IMPG2: variants seen among roughly 807,000 people sequenced by gnomAD.
IMPG2 encodes the protein IPM 200.
Under a neutral mutation model 129.2 loss-of-function variants are expected in IMPG2, and 91 were observed. The ratio of observed to expected loss-of-function variants is 0.70; its 90% confidence interval spans 0.59 to 0.84. IMPG2 has a LOEUF of 0.84. Ranked by LOEUF, IMPG2 falls within the 40% of genes least tolerant of loss-of-function variation. The pLI, the probability that IMPG2 is intolerant of heterozygous loss-of-function variation, is 0.00. For synonymous variants in IMPG2, 510 were observed against 517.7 expected (o/e 0.99, Z 0.20); for missense variants, 1,430 against 1,461.7 (o/e 0.98, Z 0.35).
intron 7 of IMPG2, among the ~76,000 whole-genome samples, chr3:101,271,843 A>C (rs1706786083): frequency 6.6e-6 from 1 of 152,196 alleles, no homozygotes; most frequent in Non-Finnish European, 1.5e-5. Context: ...AGAGAGACTG[A>C]ATGACAATGA....
intron 10 of IMPG2, among the ~76,000 whole-genome samples, chr3:101,257,007 A>G (rs1356082443): frequency 1.3e-5 from 2 of 152,076 alleles, no homozygotes; most frequent in Admixed American, 6.6e-5. Flanking sequence ...CCTGTTCATT[A>G]TGGATCATAA....
intron 10 of IMPG2, among the ~76,000 whole-genome samples, chr3:101,254,505 C>A (rs752800525): frequency 5.3e-5 from 8 of 151,928 alleles, no homozygotes; most frequent in Admixed American, 1.3e-4. Context: ...GAGAGGGAAT[C>A]AATAAAAGCT....
At position 101,257,685 on chromosome 3, in the gene IMPG2, C is replaced by A. The variant is rs769044247; in HGVS notation, c.997G>T (p.Val333Leu). The A allele has an allele frequency of 6.2e-7, 1 of 1,613,464 alleles. No homozygotes were observed. Residue 333 changes from valine (V) to leucine (L), a missense_variant, in exon 10 of 19, where the codon GTG (valine) becomes TTG (leucine). By Grantham distance (32) the Val-to-Leu change is conservative. Transcript: ENST00000193391. ...AGTTCCACAAGGCCATGGTTTTCCA[C>A]CTTGTTGGAGTGAAGGCTAATGAGG... ...WDLISLHSNK[V>L]ENHGLVELDD...
intron 8 of IMPG2, among the ~76,000 whole-genome samples, chr3:101,268,809 A>C (rs1405446701): frequency 6.6e-6 from 1 of 152,148 alleles, no homozygotes; most frequent in African/African-American, 2.4e-5. Flanking sequence ...GAAAAGCTAT[A>C]AAGTCAGCTG....
chr3:101,228,254 G>T (rs939456104), intron 18 of IMPG2, among the ~76,000 whole-genome samples: 1 of 152,184 alleles, frequency 6.6e-6, no homozygotes, highest in Non-Finnish European at 1.5e-5. Flanking sequence ...AGAGGCAAGA[G>T]ATACAGTTTA....
At chr3:101,297,768 T>C (rs1250068361) in intron 3 of IMPG2, among the ~76,000 whole-genome samples, 1 of 152,236 alleles carries the variant, frequency 6.6e-6, no homozygotes, top group Non-Finnish European at 1.5e-5. Context: ...GTGAGACTAT[T>C]TGTTATGATT....
chr3:101,226,770 T>C lies in IMPG2; in HGVS notation c.*199A>G, dbSNP rs923763528. The C allele has an allele frequency of 1.8e-5, 11 of 597,942 alleles. No individual in the cohort carries two copies. Among genetic ancestry groups the C allele is most frequent in the African/African-American group, 1.5e-4 (8 of 53,588 alleles). 37.0% of individuals were successfully genotyped at this position (597,942 alleles called of 1,614,324 possible). On this transcript the variant is annotated 3_prime_UTR_variant, in exon 19 of 19. Transcript: ENST00000193391. ...ATTTAAACACAGCATTCAGTCTTTA[T>C]AGAAATAAAAATGGTAACATCTCTT...
chr3:101,230,038 C>T (rs777935521), intron 16 of IMPG2, among the ~76,000 whole-genome samples: 15 of 152,228 alleles, frequency 9.9e-5, no homozygotes, highest in Non-Finnish European at 1.8e-4. Flanking sequence ...ACATATTTAC[C>T]GAGCATTGAT....
intron 14 of IMPG2, among the ~76,000 whole-genome samples, chr3:101,238,011 T>C (rs778379166): frequency 1.4e-4 from 22 of 151,974 alleles, no homozygotes; most frequent in South Asian, 6.3e-4. Context: ...GAATAACCAG[T>C]GCAGAGAAGA....
At chr3:101,307,125 T>A (rs1198086444) in intron 2 of IMPG2, among the ~76,000 whole-genome samples, 1 of 152,174 alleles carries the variant, frequency 6.6e-6, no homozygotes, top group Admixed American at 6.5e-5. Flanking sequence ...AAATAGCCAA[T>A]GAGTATGTGA....
At chr3:101,234,206 G>C (rs1706321309) in intron 14 of IMPG2, among the ~76,000 whole-genome samples, 1 of 150,026 alleles carries the variant, frequency 6.7e-6, no homozygotes, top group Admixed American at 6.7e-5. Flanking sequence ...TGCAATGATT[G>C]GTGTCCTTAT....
At chr3:101,304,498 G>A (rs1039520429) in intron 2 of IMPG2, among the ~76,000 whole-genome samples, 186 bp from the exon 3 acceptor site, 1 of 152,142 alleles carries the variant, frequency 6.6e-6, no homozygotes, top group Non-Finnish European at 1.5e-5. Context: ...TTTCTGAAGA[G>A]AATTTATATT....
rs80322757 is a variant in IMPG2 at position 101,288,705 on chromosome 3, C to T, written c.533+2774G>A. On this transcript the variant is annotated intron_variant, in intron 4 of 18. Transcript: ENST00000193391. ...ATAGACACTGTGGACTACTAGAAGGCGGGTAGGTGTGGGTTGAAAAACTAC... is the reference window on the plus strand; with the variant it reads ...ATAGACACTGTGGACTACTAGAAGGTGGGTAGGTGTGGGTTGAAAAACTAC... 9.8e-4 allele frequency among the ~76,000 whole-genome samples: 149 copies of T among 152,086 alleles called. 1 individual carries two copies. The highest frequency in any genetic ancestry group is 3.4e-3 in the African/African-American group (141 of 41,514).
chr3:101,303,904 T>A (rs995480332), intron 3 of IMPG2, among the ~76,000 whole-genome samples: 2 of 152,182 alleles, frequency 1.3e-5, no homozygotes, highest in East Asian at 3.8e-4. Context: ...TTGTCTGAGT[T>A]AATAATGTCT....
intron 9 of IMPG2, among the ~76,000 whole-genome samples, chr3:101,264,177 C>T (rs1706698763): frequency 6.6e-6 from 1 of 151,958 alleles, no homozygotes; most frequent in Non-Finnish European, 1.5e-5. Context: ...AATACCAGTT[C>T]TTCTGAAATT....
chr3:101,260,430 A>G (rs1046910024), intron 9 of IMPG2, among the ~76,000 whole-genome samples: 9 of 152,158 alleles, frequency 5.9e-5, no homozygotes, highest in Admixed American at 5.9e-4. Context: ...TTATAAAGAA[A>G]TCAATTCAGT....
At chr3:101,290,033 C>T (rs115653454) in intron 4 of IMPG2, among the ~76,000 whole-genome samples, 8 of 151,632 alleles carry the variant, frequency 5.3e-5, no homozygotes, top group East Asian at 1.9e-4. Context: ...GCTTCGGGCA[C>T]GATGAACTTA....
In IMPG2 at chr3:101,306,240, G is replaced by A. The variant is rs114617632; in HGVS notation, c.335-1928C>T. Among the ~76,000 whole-genome samples, 1,019 of 152,184 alleles carry A rather than the reference G, an allele frequency of 6.7e-3. 8 individuals are homozygous for A. Among genetic ancestry groups the A allele is most frequent in the African/African-American group, 0.023 (962 of 41,530 alleles). On this transcript the variant is annotated intron_variant, in intron 2 of 18. Transcript: ENST00000193391. ...TACATGAATATCATATGTTATTATC[G>A]TGTTCAATTCTAATTGTCCAATAGT...
chr3:101,273,488 T>G, intron 7 of IMPG2, 93 bp downstream of exon 7: 1 of 1,368,510 alleles, frequency 7.3e-7, no homozygotes. Context: ...ACAAACAATT[T>G]GAAACCTAAA....
Sources: allele counts gnomAD v4.1 joint callset (sites outside exome capture counted in the v4.1 genomes callset), GRCh38; gene constraint gnomAD v4.1.1; transcripts MANE v1.5; gene names NCBI Gene and HGNC (gene_info 2026-07-23, HGNC 2026-07-21).